Variants in KCNQ4 observed in about 807,000 individuals in gnomAD.
The protein encoded by KCNQ4 is potassium voltage-gated channel subfamily Q member 4.
A neutral mutation model predicts 72.6 loss-of-function variants in KCNQ4; 31 were observed. The ratio of observed to expected loss-of-function variants is 0.43; its 90% CI spans 0.32 to 0.58. The LOEUF is 0.58. KCNQ4 is among the 20% of genes least tolerant of loss of function. The pLI is 0.08. For missense variants in KCNQ4, 869 were observed against 962.6 expected (o/e 0.90, Z 1.29); for synonymous variants, 405 against 403.7 (o/e 1.00, Z -0.04).
intron 11 of KCNQ4, 129 bp from the exon 12 acceptor site, chr1:40,834,838 G>A (rs1648762886): frequency 1.6e-6 from 2 of 1,241,560 alleles, no homozygotes; most frequent in Non-Finnish European, 2.3e-6. Flanking sequence ...ACGCAGCAGA[G>A]GCTGTTCATG....
At chr1:40,809,167 CT>C (rs2148310471) in intron 1 of KCNQ4, among the ~76,000 whole-genome samples, 1 of 152,340 alleles carries the variant, frequency 6.6e-6, no homozygotes, top group East Asian at 1.9e-4. Context: ...ACACTTCTCT[CT>C]TCTGCTTTCC....
rs959131450 is a variant in KCNQ4 at position 40,839,857 on chromosome 1, A to G, written c.*1334A>G. ...TAAGAATGCATGTAATAGCTATACC[A>G]ACCGCGCATCCGGCTTTCACATGCA... On this transcript the variant is annotated 3_prime_UTR_variant, in exon 14 of 14. Transcript: ENST00000347132. 6.6e-6 allele frequency: 1 copy of G among 152,254 alleles called. No individual in the cohort carries two copies. Among genetic ancestry groups the G allele is most frequent in the Non-Finnish European group, 1.5e-5 (1 of 68,074 alleles). The allele number at this position is 152,254 out of a possible 1,614,324, so 9.4% of individuals were successfully genotyped here.
intron 1 of KCNQ4, among the ~76,000 whole-genome samples, chr1:40,785,705 C>G (rs1165377885): frequency 6.6e-6 from 1 of 152,128 alleles, no homozygotes. Flanking sequence ...CTTCCTCTAC[C>G]TGTCTTTTCC....
At chr1:40,816,783 C>A (rs1223762280) in intron 1 of KCNQ4, among the ~76,000 whole-genome samples, 4 of 152,208 alleles carry the variant, frequency 2.6e-5, no homozygotes, top group African/African-American at 9.7e-5. Context: ...GCAGTTGTCC[C>A]AATTCTGCAG....
intron 9 of KCNQ4, among the ~76,000 whole-genome samples, chr1:40,829,475 C>T (rs923308679): frequency 4.6e-5 from 7 of 152,250 alleles, no homozygotes; most frequent in Admixed American, 2.6e-4. Context: ...GCAGAGGCCG[C>T]CACCCCTAAG....
Position 40,817,953 on chromosome 1 carries a change from A to C in KCNQ4, c.406-211A>C, listed in dbSNP as rs1648147950. Among the ~76,000 whole-genome samples the C allele has an allele frequency of 6.6e-6, 1 of 152,098 alleles. No individual in the cohort carries two copies. Among genetic ancestry groups the C allele is most frequent in the Admixed American group, 6.5e-5 (1 of 15,268 alleles). Reference sequence around the variant, plus strand: ...AATCCGATCAGTTCATGGGGACCGGAAGGGGAGGACACACTAGGGCTTTTA... The same window carrying C: ...AATCCGATCAGTTCATGGGGACCGGCAGGGGAGGACACACTAGGGCTTTTA... On this transcript the variant is annotated intron_variant, in intron 2 of 13. Coordinates refer to ENST00000347132, the MANE Select transcript of KCNQ4 (RefSeq NM_004700.4). This position sits in a 1 kb window ranked among gnomAD's most constrained non-coding sequence, Gnocchi z 5.5.
chr1:40,810,956 T>C (rs2148312009), intron 1 of KCNQ4, among the ~76,000 whole-genome samples: 1 of 152,340 alleles, frequency 6.6e-6, no homozygotes, highest in Non-Finnish European at 1.5e-5. Flanking sequence ...GAATAACAGC[T>C]TTATTGAGAT....
chr1:40,832,172 C>T (rs961259209), intron 10 of KCNQ4, among the ~76,000 whole-genome samples: 17 of 152,236 alleles, frequency 1.1e-4, no homozygotes, highest in African/African-American at 4.1e-4. Flanking sequence ...AGACTTCTCC[C>T]AGCTTTGACA....
chr1:40,831,364 A>G, intron 10 of KCNQ4, 60 bp downstream of exon 10: 1 of 1,408,792 alleles, frequency 7.1e-7, no homozygotes, highest in Non-Finnish European at 9.8e-7. Context: ...GGGCGGGGAC[A>G]GTCTGGGCTG....
intron 1 of KCNQ4, among the ~76,000 whole-genome samples, chr1:40,792,547 T>C (rs1007717495): frequency 1.3e-5 from 2 of 152,174 alleles, no homozygotes; most frequent in Admixed American, 1.3e-4. Flanking sequence ...ACGGGGGCCT[T>C]TTCCACCTTC....
chr1:40,803,539 C>T (rs1050089723), intron 1 of KCNQ4, among the ~76,000 whole-genome samples: 1 of 152,314 alleles, frequency 6.6e-6, no homozygotes, highest in East Asian at 1.9e-4. Context: ...TCTTTACAGG[C>T]GGAGGAAACT....
Position 40,819,861 on chromosome 1 carries a change from G to C in KCNQ4, c.835-14G>C. Reference sequence around the variant, plus strand: ...CCGTGACCAGTCCTGCCTGTAACCTGTTTGTGTCTCCAGATTACATTGACA... The same window carrying C: ...CCGTGACCAGTCCTGCCTGTAACCTCTTTGTGTCTCCAGATTACATTGACA... On this transcript the variant is annotated splice_polypyrimidine_tract_variant and intron_variant, in intron 5 of 13. Coordinates refer to ENST00000347132, the MANE Select transcript of KCNQ4 (RefSeq NM_004700.4). The C allele has an allele frequency of 6.2e-7, 1 of 1,602,594 alleles. No individual in the cohort carries two copies.
chr1:40,812,400 A>G (rs1032072792), intron 1 of KCNQ4, among the ~76,000 whole-genome samples: 1 of 151,940 alleles, frequency 6.6e-6, no homozygotes, highest in Non-Finnish European at 1.5e-5. Flanking sequence ...GGGACCACAG[A>G]TGCACACCCC....
chr1:40,831,667 C>T (rs897487216), intron 10 of KCNQ4, among the ~76,000 whole-genome samples: 4 of 152,158 alleles, frequency 2.6e-5, no homozygotes, highest in Non-Finnish European at 2.9e-5. Context: ...ATAGCATCCA[C>T]TTCCTAGGAT....
At position 40,788,754 on chromosome 1, in the gene KCNQ4, G is replaced by C. The variant is rs895913016; in HGVS notation, c.314+4347G>C. On this transcript the variant is annotated intron_variant, in intron 1 of 13. Coordinates refer to ENST00000347132, the MANE Select transcript of KCNQ4 (RefSeq NM_004700.4). The surrounding 1 kb of genome is among the most constrained non-coding windows in gnomAD (Gnocchi z 4.5). ...CCCCGCACACAGTCAGCAGGGGGTG[G>C]GCAGTGATGGCATTTTGTGGAATTG... is the stretch of plus-strand genomic sequence containing the variant. Among the ~76,000 whole-genome samples, 2 of 152,138 alleles carry C rather than the reference G, an allele frequency of 1.3e-5. No individual in the cohort carries two copies. Among genetic ancestry groups the C allele is most frequent in the Non-Finnish European group, 2.9e-5 (2 of 68,026 alleles).
At chr1:40,833,248 A>G (rs1050468503) in intron 11 of KCNQ4, 135 bp downstream of exon 11, 2 of 651,128 alleles carry the variant, frequency 3.1e-6, no homozygotes, top group Admixed American at 4.2e-5. Flanking sequence ...GTCTCTACTA[A>G]AAATACAAAA....
chr1:40,817,178 T>C lies in KCNQ4; in HGVS notation c.315-87T>C, dbSNP rs1047616769. ...ATTTTCTGAAAATAATGTTCTCCTC[T>C]CTTGGCTCTGTAACCCCCTGCCAGG... On this transcript the variant is annotated intron_variant, in intron 1 of 13. Transcript: ENST00000347132. The surrounding 1 kb of genome is among the most constrained non-coding windows in gnomAD (Gnocchi z 5.5). 14 of 987,142 alleles carry C rather than the reference T, an allele frequency of 1.4e-5. No homozygotes were observed. The African/African-American group carries it at 1.8e-4, about 12-fold the overall frequency. 61.1% of individuals were successfully genotyped at this position (987,142 alleles called of 1,614,324 possible).
rs1429085282 is a variant in KCNQ4 at position 40,811,895 on chromosome 1, AT to A, written c.315-5367del. 1.3e-5 allele frequency among the ~76,000 whole-genome samples: 2 copies of A among 152,208 alleles called. 1 individual carries two copies. The highest frequency in any genetic ancestry group is 4.8e-5 in the African/African-American group (2 of 41,454). On this transcript the variant is annotated intron_variant, in intron 1 of 13. Transcript: ENST00000347132. The stretch of plus-strand genomic sequence containing the variant: ...CAGCCAGCACCCATGTTTCATCTAT[AT>A]TTGTATAGATGGAGAAACTGAGGTC...
In KCNQ4 at chr1:40,837,648, G is replaced by A; in HGVS notation, c.1746-17G>A. Reference sequence around the variant, plus strand: ...ACGGCGTGTCCCCGGGCCCTCTGATGGTTCCCTTACCCTTAGGGTGGACCA... The same window carrying A: ...ACGGCGTGTCCCCGGGCCCTCTGATAGTTCCCTTACCCTTAGGGTGGACCA... On this transcript the variant is annotated splice_polypyrimidine_tract_variant and intron_variant, in intron 12 of 13. Transcript: ENST00000347132. 1 of 1,610,342 alleles carries A rather than the reference G, an allele frequency of 6.2e-7. No homozygotes were observed. Among genetic ancestry groups the A allele is most frequent in the African/African-American group, 1.3e-5 (1 of 74,944 alleles).
Sources: gnomAD v4.1 joint callset for allele counts (sites outside exome capture counted in the v4.1 genomes callset) on GRCh38, gnomAD v4.1.1 for gene constraint, Gnocchi (gnomAD v3.1) non-coding constraint, MANE v1.5 for transcripts, NCBI Gene and HGNC (gene_info 2026-07-23, HGNC 2026-07-21) for gene names.